The following ATRNL1 variants were observed in gnomAD, a reference collection of about 807,000 sequenced individuals.
ATRNL1 encodes the protein attractin-like protein 1.
A neutral mutation model predicts 182.7 loss-of-function variants in ATRNL1; 95 were observed. That is an observed-to-expected ratio of 0.52 (90% CI 0.44 to 0.62). ATRNL1 has a LOEUF of 0.62. ATRNL1 is among the 20% of genes least tolerant of loss of function. ATRNL1 has a pLI of 0.00. For synonymous variants in ATRNL1, 576 were observed against 568.3 expected (o/e 1.01, Z -0.19); for missense variants, 1,471 against 1,679.5 (o/e 0.88, Z 2.17).
At chr10:115,387,886 G>A (rs1554953116) in intron 19 of ATRNL1, among the ~76,000 whole-genome samples, 2 of 152,006 alleles carry the variant, frequency 1.3e-5, no homozygotes, top group African/African-American at 4.8e-5. Flanking sequence ...TATCACTACT[G>A]TAAATCTACT....
chr10:115,362,535 T>G (rs1323814095), intron 19 of ATRNL1, among the ~76,000 whole-genome samples: 3 of 151,990 alleles, frequency 2.0e-5, no homozygotes, highest in African/African-American at 4.8e-5. Context: ...TTTTTTTTAT[T>G]ATACTTTAAG....
At chr10:115,170,991 G>T (rs1214234293) in intron 7 of ATRNL1, 46 bp from the exon 8 acceptor site, 2 of 1,164,402 alleles carry the variant, frequency 1.7e-6, no homozygotes, top group African/African-American at 3.1e-5. Context: ...TATGTGTTAA[G>T]ATATAACATT....
Position 115,876,199 on chromosome 10 carries a change from G to A in ATRNL1, c.4018+28208G>A, listed in dbSNP as rs551534387. Among the ~76,000 whole-genome samples the A allele has an allele frequency of 2.2e-4, 34 of 152,310 alleles. No individual in the cohort carries two copies. In the South Asian group the frequency reaches 4.4e-3, roughly 20 times the overall value. ...ACATACAATTTGCAGTCAGATGAAT[G>A]TGGACCACTTCTTGGGTGTTTTATC... On this transcript the variant is annotated intron_variant, in intron 28 of 28. Coordinates refer to ENST00000355044, the MANE Select transcript of ATRNL1 (RefSeq NM_207303.4).
intron 27 of ATRNL1, among the ~76,000 whole-genome samples, chr10:115,733,748 C>A (rs1947868304): frequency 6.6e-6 from 1 of 152,022 alleles, no homozygotes; most frequent in Non-Finnish European, 1.5e-5. Context: ...TTCCTTTTTT[C>A]TTATAGCTGA....
intron 20 of ATRNL1, among the ~76,000 whole-genome samples, chr10:115,415,689 A>G (rs1845356587): frequency 6.6e-6 from 1 of 151,616 alleles, no homozygotes; most frequent in African/African-American, 2.4e-5. Flanking sequence ...TATATCGAAA[A>G]TTTTATTTTT....
In ATRNL1 at chr10:115,334,323, G is replaced by A. The variant is rs1855377864; in HGVS notation, c.3079G>A (p.Val1027Met). ...ACATAGCACTTGCATCAATAATAAT[G>A]TGTGCGAACAGTGTAAAAATCTCAC... ...NGHSTCINNN[V>M]CEQCKNLTTG... Residue 1027 changes from valine (V) to methionine (M), a missense_variant, in exon 19 of 29, where the codon GTG (valine) becomes ATG (methionine). Val to Met is a conservative substitution (Grantham distance 21, BLOSUM62 1). This residue lies in a region of ATRNL1 where 437 missense variants were observed against 506.0 expected (regional missense o/e 0.86). Coordinates refer to ENST00000355044, the MANE Select transcript of ATRNL1 (RefSeq NM_207303.4). The A allele has an allele frequency of 1.3e-6, 2 of 1,595,520 alleles. No individual in the cohort carries two copies. Among genetic ancestry groups the A allele is most frequent in the Non-Finnish European group, 1.7e-6 (2 of 1,167,924 alleles).
At chr10:115,171,461 T>C (rs1339066060) in intron 8 of ATRNL1, 169 bp downstream of exon 8, 6 of 539,264 alleles carry the variant, frequency 1.1e-5, no homozygotes, top group South Asian at 6.2e-5. Context: ...GATTTTGTCC[T>C]TTAATATTTA....
chr10:115,746,005 A>G (rs561169426), intron 27 of ATRNL1, among the ~76,000 whole-genome samples: 1 of 152,306 alleles, frequency 6.6e-6, no homozygotes, highest in South Asian at 2.1e-4. Flanking sequence ...AGGCCTTCTT[A>G]GTGAAATAAC....
rs112867074 is a variant in ATRNL1 at position 115,481,582 on chromosome 10, T to G, written c.3654+12253T>G. ...GAATTGAGATATGAGACTGGTCAAT[T>G]TGACACCAGATCCCATTCTACCACT... On this transcript the variant is annotated intron_variant, in intron 24 of 28. Transcript: ENST00000355044. Among the ~76,000 whole-genome samples the G allele has an allele frequency of 3.4e-3, 511 of 150,980 alleles. 3 individuals carry two copies. Among genetic ancestry groups the G allele is most frequent in the African/African-American group, 0.012 (494 of 41,454 alleles).
In ATRNL1 at chr10:115,103,764, G is replaced by A. The variant is rs937595184; in HGVS notation, c.293+9721G>A. Among the ~76,000 whole-genome samples the A allele has an allele frequency of 3.3e-5, 5 of 152,110 alleles. No individual in the cohort carries two copies. The South Asian group carries it at 6.2e-4, about 19-fold the overall frequency. ...ATGAATTCAACTATTTTAATTTTTA[G>A]CTCCCAGAAATAACTGAGAAAATGC... is the stretch of plus-strand genomic sequence containing the variant. On this transcript the variant is annotated intron_variant, in intron 1 of 28. Coordinates refer to ENST00000355044, the MANE Select transcript of ATRNL1 (RefSeq NM_207303.4).
chr10:115,537,338 A>T (rs1554990793), intron 25 of ATRNL1, among the ~76,000 whole-genome samples: 2 of 152,160 alleles, frequency 1.3e-5, no homozygotes. Flanking sequence ...CTCAAACTTA[A>T]CATGCTTTAA....
intron 13 of ATRNL1, among the ~76,000 whole-genome samples, chr10:115,273,363 C>G (rs1554913844): frequency 2.0e-5 from 3 of 152,186 alleles, no homozygotes; most frequent in African/African-American, 7.2e-5. Flanking sequence ...AACATTTACG[C>G]TGGATACAAG....
At chr10:115,641,578 A>G (rs1739811372) in intron 26 of ATRNL1, among the ~76,000 whole-genome samples, 1 of 152,180 alleles carries the variant, frequency 6.6e-6, no homozygotes. Flanking sequence ...GACTCCACAG[A>G]TAGAGGATTG....
At chr10:115,496,694 A>G (rs1849566360) in intron 24 of ATRNL1, among the ~76,000 whole-genome samples, 1 of 152,142 alleles carries the variant, frequency 6.6e-6, no homozygotes, top group South Asian at 2.1e-4. Flanking sequence ...TTGAGTTTTT[A>G]TTCTTTAAAA....
At chr10:115,438,168 A>G (rs1411084480) in intron 21 of ATRNL1, among the ~76,000 whole-genome samples, 2 of 151,992 alleles carry the variant, frequency 1.3e-5, no homozygotes, top group Admixed American at 1.3e-4. Context: ...CTTCCCAAAT[A>G]AGTTGAAATT....
intron 19 of ATRNL1, among the ~76,000 whole-genome samples, chr10:115,347,769 G>A (rs746723310): frequency 3.3e-5 from 5 of 151,706 alleles, no homozygotes; most frequent in Non-Finnish European, 7.4e-5. Flanking sequence ...TAATGTTCAG[G>A]AAGATTCTCT....
intron 25 of ATRNL1, among the ~76,000 whole-genome samples, chr10:115,533,307 A>C (rs576845196): frequency 0.011 from 1,688 of 152,132 alleles, 18 homozygotes; most frequent in African/African-American, 0.038. Context: ...TCAGAGATTC[A>C]ACTTCTTCTT....
At chr10:115,256,470 G>A (rs1228642472) in intron 10 of ATRNL1, among the ~76,000 whole-genome samples, 1 of 152,058 alleles carries the variant, frequency 6.6e-6, no homozygotes, top group African/African-American at 2.4e-5. Flanking sequence ...ATTTCTTTGG[G>A]ATCTGTGGTG....
intron 9 of ATRNL1, among the ~76,000 whole-genome samples, chr10:115,225,236 C>A (rs922247406): frequency 1.3e-5 from 2 of 151,408 alleles, no homozygotes; most frequent in East Asian, 3.9e-4. Flanking sequence ...TTGAAAGATG[C>A]AGAAAAAAGT....
Sources: gnomAD v4.1 joint callset for allele counts (sites outside exome capture counted in the v4.1 genomes callset) on GRCh38, gnomAD v4.1.1 for gene constraint, gnomAD v4.1.1 regional missense constraint, MANE v1.5 for transcripts, NCBI Gene and HGNC (gene_info 2026-07-23, HGNC 2026-07-21) for gene names.